Variants in GPR160 observed in about 807,000 individuals in gnomAD.
The protein encoded by GPR160 is G protein-coupled receptor 160.
In GPR160, 2 loss-of-function variants were observed where a neutral mutation model predicts 2.6. The observed-to-expected ratio is 0.77, with a 90% CI of 0.32 to 2.44. The LOEUF (loss-of-function observed/expected upper bound fraction) is 2.44. GPR160 is among the 30% of genes most tolerant of loss of function. The probability of loss-of-function intolerance (pLI) is 0.11; values close to 1 mark genes in which losing one functional copy is unlikely to be tolerated. For missense variants in GPR160, 351 were observed against 383.6 expected, an observed-to-expected ratio of 0.91 and a Z score of 0.71; for synonymous variants, 130 against 132.2, an observed-to-expected ratio of 0.98 and a Z score of 0.12.
In GPR160 at chr3:170,085,139, CCA is replaced by C; in HGVS notation, c.*151_*152del. 6.5e-6 allele frequency: 3 copies of C among 458,636 alleles called. No individual in the cohort carries two copies. In the East Asian group the frequency reaches 1.0e-4, roughly 16 times the overall value. 28.4% of individuals were successfully genotyped at this position (458,636 alleles called of 1,614,324 possible). ...ATGTGTCTTTTGAAGGGCTATGATA[CCA>C]GTTATTAAATAGTGTTTTATTTTAA... On this transcript the variant is annotated 3_prime_UTR_variant, in exon 4 of 4. Transcript: ENST00000355897.
At chr3:170,078,335 G>A (rs1006143849) in intron 2 of GPR160, among the ~76,000 whole-genome samples, 1 of 152,046 alleles carries the variant, frequency 6.6e-6, no homozygotes, top group Non-Finnish European at 1.5e-5. Context: ...CACCGTTACC[G>A]GGTAAAGGTG....
intron 2 of GPR160, among the ~76,000 whole-genome samples, chr3:170,041,049 A>G (rs1716425669): frequency 6.6e-6 from 1 of 152,196 alleles, no homozygotes; most frequent in Non-Finnish European, 1.5e-5. Context: ...ATGCTTGGTC[A>G]GTACTTTGGA....
intron 2 of GPR160, among the ~76,000 whole-genome samples, chr3:170,072,803 A>G (rs943222858): frequency 3.9e-5 from 6 of 152,180 alleles, no homozygotes; most frequent in African/African-American, 1.4e-4. Flanking sequence ...ACTAGGCTCC[A>G]CCTTCAGCAT....
intron 2 of GPR160, among the ~76,000 whole-genome samples, chr3:170,070,346 C>T (rs1712532026): frequency 6.6e-6 from 1 of 152,206 alleles, no homozygotes. Context: ...TCTTGAACAT[C>T]AGTAGTTGAA....
chr3:170,042,220 G>A (rs1206655889), intron 2 of GPR160, among the ~76,000 whole-genome samples: 1 of 151,918 alleles, frequency 6.6e-6, no homozygotes, highest in Admixed American at 6.6e-5. Flanking sequence ...ATCAGCCTGG[G>A]CAACATAGTG....
At chr3:170,045,443 A>AAAAAAAAAAAAAAAAC (rs1559981277) in intron 2 of GPR160, among the ~76,000 whole-genome samples, 4 of 131,472 alleles carry the variant, frequency 3.0e-5, no homozygotes, top group African/African-American at 1.4e-4. Flanking sequence ...AAAAAAAAAA[A>AAAAAAAAAAAAAAAAC]AAAACCAATT....
intron 2 of GPR160, among the ~76,000 whole-genome samples, chr3:170,074,898 G>A (rs1167398490): frequency 6.6e-6 from 1 of 151,462 alleles, no homozygotes; most frequent in Non-Finnish European, 1.5e-5. Context: ...TTATTGAATT[G>A]AGCCCTTCTT....
At chr3:170,050,257 T>C (rs969212257) in intron 2 of GPR160, among the ~76,000 whole-genome samples, 4 of 151,320 alleles carry the variant, frequency 2.6e-5, no homozygotes, top group African/African-American at 9.7e-5. Flanking sequence ...TTTTTGTTGT[T>C]GTTGAGATGG....
chr3:170,049,657 G>C lies in GPR160; in HGVS notation c.-193+10614G>C, dbSNP rs182503688. 4.6e-5 allele frequency among the ~76,000 whole-genome samples: 7 copies of C among 151,854 alleles called. No individual in the cohort carries two copies. In the East Asian group the frequency reaches 1.4e-3, roughly 30 times the overall value. On this transcript the variant is annotated intron_variant, in intron 2 of 3. Coordinates refer to ENST00000355897, the MANE Select transcript of GPR160 (RefSeq NM_014373.3). ...ATCACGCCTCCAGGGCTGGTGTAGAGCCAACTCTGAGGGTCACTCTAAGGG... is the reference window on the plus strand; with the variant it reads ...ATCACGCCTCCAGGGCTGGTGTAGACCCAACTCTGAGGGTCACTCTAAGGG...
chr3:170,042,243 C>A lies in GPR160; in HGVS notation c.-193+3200C>A, dbSNP rs1576884572. 2.6e-5 allele frequency among the ~76,000 whole-genome samples: 4 copies of A among 151,282 alleles called. No individual in the cohort carries two copies. The South Asian group carries it at 6.3e-4, about 24-fold the overall frequency. On this transcript the variant is annotated intron_variant, in intron 2 of 3. Transcript: ENST00000355897. ...GGGCAACATAGTGAGACCTTGACTCCACAAAAAATAAAGATAAATAAATAA... is the reference window on the plus strand; with the variant it reads ...GGGCAACATAGTGAGACCTTGACTCAACAAAAAATAAAGATAAATAAATAA...
chr3:170,057,766 C>G (rs1711719701), intron 2 of GPR160: 1 of 152,232 alleles, frequency 6.6e-6, no homozygotes, highest in Non-Finnish European at 1.5e-5. Context: ...TCGCTGATAC[C>G]ACAACTGAGC....
At chr3:170,076,282 A>G (rs1053217302) in intron 2 of GPR160, among the ~76,000 whole-genome samples, 1 of 152,168 alleles carries the variant, frequency 6.6e-6, no homozygotes, top group Non-Finnish European at 1.5e-5. Context: ...AAACATTTCC[A>G]TATTTTCTAT....
chr3:170,078,446 G>A (rs1673955497), intron 2 of GPR160, among the ~76,000 whole-genome samples: 1 of 152,134 alleles, frequency 6.6e-6, no homozygotes, highest in Non-Finnish European at 1.5e-5. Context: ...TTAAGCAAGC[G>A]GCATTAGAAG....
chr3:170,076,915 T>C (rs180762501), intron 2 of GPR160, among the ~76,000 whole-genome samples: 25 of 152,328 alleles, frequency 1.6e-4, no homozygotes, highest in African/African-American at 6.0e-4. Context: ...GCCATAATTG[T>C]GGTTTACTGA....
At chr3:170,050,306 C>T (rs1420426488) in intron 2 of GPR160, among the ~76,000 whole-genome samples, 1 of 151,778 alleles carries the variant, frequency 6.6e-6, no homozygotes, top group East Asian at 1.9e-4. Flanking sequence ...TGCACTGGTG[C>T]GATCTCAGCT....
At position 170,081,791 on chromosome 3, in the gene GPR160, A is replaced by C. The variant is rs376635853; in HGVS notation, c.-69+1894A>C. Among the ~76,000 whole-genome samples, 107 of 152,178 alleles carry C rather than the reference A, an allele frequency of 7.0e-4. 1 individual carries two copies. Among genetic ancestry groups the C allele is most frequent in the African/African-American group, 2.5e-3 (103 of 41,506 alleles). ...TTCTTTGTGTCCATGTGTTCTCATCATTTAGCTCCCACTTATAAGTGAAAA... is the reference window on the plus strand; with the variant it reads ...TTCTTTGTGTCCATGTGTTCTCATCCTTTAGCTCCCACTTATAAGTGAAAA... On this transcript the variant is annotated intron_variant, in intron 3 of 3. Transcript: ENST00000355897.
intron 3 of GPR160, among the ~76,000 whole-genome samples, chr3:170,080,245 T>C (rs550274928): frequency 1.3e-5 from 2 of 152,312 alleles, no homozygotes; most frequent in Middle Eastern, 6.8e-3. Flanking sequence ...TATTGGAATT[T>C]TGAACACTTA....
Position 170,084,455 on chromosome 3 carries a change from C to G in GPR160, c.483C>G (p.Tyr161Ter). ...ATGTTTTGGGAGACCCAGCCATCTA[C>G]CAAAGCCTGAAGGCACAGAATGCTT... is the stretch of plus-strand genomic sequence containing the variant. ...LAYVLGDPAIYQSLKAQNAYS... is the reference protein window; with the variant it reads ...LAYVLGDPAI The change falls in exon 4 of 4, where the codon TAC (tyrosine) becomes TAG (stop). Residue 161 changes from tyrosine (Y) to a stop codon, truncating the protein, a stop_gained. Transcript: ENST00000355897. LOFTEE classifies it low-confidence loss of function (END_TRUNC). The G allele has an allele frequency of 6.2e-7, 1 of 1,613,186 alleles. No individual in the cohort carries two copies. The highest frequency in any genetic ancestry group is 2.2e-5 in the East Asian group (1 of 44,854).
chr3:170,050,210 C>T (rs1287444939), intron 2 of GPR160, among the ~76,000 whole-genome samples: 1 of 151,254 alleles, frequency 6.6e-6, no homozygotes, highest in Non-Finnish European at 1.5e-5. Context: ...CAGGTGCCTG[C>T]CACCATGCCC....
Sources: gnomAD v4.1 joint callset for allele counts (sites outside exome capture counted in the v4.1 genomes callset) on GRCh38, gnomAD v4.1.1 for gene constraint, MANE v1.5 for transcripts, NCBI Gene and HGNC (gene_info 2026-07-23, HGNC 2026-07-21) for gene names.